The following UHRF1 variants were observed in gnomAD, a reference collection of about 807,000 sequenced individuals.
UHRF1 encodes E3 ubiquitin-protein ligase UHRF1.
Under a neutral mutation model 96.5 loss-of-function variants are expected in UHRF1, and 9 were observed. The observed-to-expected ratio is 0.09, with a 90% confidence interval of 0.06 to 0.16. UHRF1 has a LOEUF of 0.16. Ranked by LOEUF, UHRF1 falls within the 10% of genes least tolerant of loss-of-function variation. The pLI is 1.00. For synonymous variants in UHRF1, 455 were observed against 469.9 expected (o/e 0.97, Z 0.41); for missense variants, 626 against 1,131.1 (o/e 0.55, Z 6.40).
intron 13 of UHRF1, among the ~76,000 whole-genome samples, chr19:4,952,613 C>A (rs1459280945): frequency 6.6e-6 from 1 of 151,842 alleles, no homozygotes; most frequent in Non-Finnish European, 1.5e-5. Flanking sequence ...GGCTGGTGAC[C>A]TCAGGTGATC....
At chr19:4,934,243 A>C (rs17883458) in intron 5 of UHRF1, among the ~76,000 whole-genome samples, 1,907 of 152,130 alleles carry the variant, frequency 0.013, 42 homozygotes, top group African/African-American at 0.044. Context: ...CATGTTGGCC[A>C]GGCTGGTCTC....
Position 4,948,118 on chromosome 19 carries a change from A to AAAG in UHRF1, c.1517+909_1517+910insGAA, listed in dbSNP as rs1201391547. Among the ~76,000 whole-genome samples the AAAG allele has an allele frequency of 4.0e-4, 60 of 151,744 alleles. 1 individual carries two copies. The highest frequency in any genetic ancestry group is 3.4e-3 in the Admixed American group (51 of 15,192). Reference sequence around the variant, plus strand: ...GATCTTGTCAAAAAAAAAAAAAAAAAAACCCCTCCAAAATAGATTGCTTCA... The same window carrying AAAG: ...GATCTTGTCAAAAAAAAAAAAAAAAAAAGAACCCCTCCAAAATAGATTGCTTCA... On this transcript the variant is annotated intron_variant, in intron 11 of 16. Coordinates refer to ENST00000650932, the MANE Select transcript of UHRF1 (RefSeq NM_001048201.3).
In UHRF1 at chr19:4,947,490, CTTTTTTTTTTT is replaced by C. The variant is rs985069179; in HGVS notation, c.1517+298_1517+308del. Among the ~76,000 whole-genome samples, 58 of 57,888 alleles carry C rather than the reference CTTTTTTTTTTT, an allele frequency of 1.0e-3. 2 individuals carry two copies. In the South Asian group the frequency reaches 0.018, roughly 17 times the overall value. The allele number at this position is 57,888 out of a possible 152,430, so 38.0% of individuals were successfully genotyped here. On this transcript the variant is annotated intron_variant, in intron 11 of 16. Coordinates refer to ENST00000650932, the MANE Select transcript of UHRF1 (RefSeq NM_001048201.3). ...CTATAAAAGGCCAGATAATAGATAT[CTTTTTTTTTTT>C]TTTTTTTTTTTTTTTTTTGGGCAGA...
intron 1 of UHRF1, 121 bp downstream of exon 1, chr19:4,909,776 A>G: frequency 2.2e-6 from 1 of 461,988 alleles, no homozygotes; most frequent in Non-Finnish European, 3.8e-6. Context: ...CTGTCCCGGG[A>G]TCCAGGGCCT....
chr19:4,943,812 G>A (rs1383455078), intron 7 of UHRF1, among the ~76,000 whole-genome samples: 3 of 152,004 alleles, frequency 2.0e-5, no homozygotes, highest in Non-Finnish European at 2.9e-5. Flanking sequence ...CACCATGCCC[G>A]GCTAATTTTT....
Position 4,954,584 on chromosome 19 carries a change from C to T in UHRF1, c.1958-66C>T. On this transcript the variant is annotated intron_variant, in intron 14 of 16. Coordinates refer to ENST00000650932, the MANE Select transcript of UHRF1 (RefSeq NM_001048201.3). The surrounding 1 kb of genome is among the most constrained non-coding windows in gnomAD (Gnocchi z 5.9). ...GGTTGAGGTCGTGTGGACGTGGGAG[C>T]CGGTGGCTGTCTCTCCGGCAGCTCG... The T allele has an allele frequency of 6.3e-7, 1 of 1,590,540 alleles. No homozygotes were observed. The highest frequency in any genetic ancestry group is 8.6e-7 in the Non-Finnish European group (1 of 1,167,362).
chr19:4,939,360 T>C (rs566178310), intron 5 of UHRF1, among the ~76,000 whole-genome samples: 1 of 148,218 alleles, frequency 6.7e-6, no homozygotes, highest in South Asian at 2.2e-4. Context: ...CTATACCCAG[T>C]CTTAGAATAT....
chr19:4,923,305 G>A (rs893467954), intron 2 of UHRF1, among the ~76,000 whole-genome samples: 3 of 152,106 alleles, frequency 2.0e-5, no homozygotes, highest in Admixed American at 6.5e-5. Flanking sequence ...TCCTGCTGTC[G>A]AGGTCACTTG....
intron 16 of UHRF1, among the ~76,000 whole-genome samples, chr19:4,959,017 G>A (rs1194834836): frequency 6.7e-6 from 1 of 150,252 alleles, no homozygotes; most frequent in African/African-American, 2.5e-5. Context: ...TCACTCTGTC[G>A]CCCAGGCTGG....
At chr19:4,914,143 A>T (rs1308782560) in intron 2 of UHRF1, among the ~76,000 whole-genome samples, 1 of 152,002 alleles carries the variant, frequency 6.6e-6, no homozygotes, top group Non-Finnish European at 1.5e-5. Context: ...AGTAGCTTTT[A>T]AGAGATCGTG....
intron 2 of UHRF1, among the ~76,000 whole-genome samples, chr19:4,928,806 A>G (rs112899629): frequency 6.6e-6 from 1 of 152,302 alleles, no homozygotes; most frequent in African/African-American, 2.4e-5. Flanking sequence ...AATGTCCCAG[A>G]CGTGGCCCAG....
chr19:4,920,864 A>G (rs2032678960), intron 2 of UHRF1, among the ~76,000 whole-genome samples: 1 of 152,140 alleles, frequency 6.6e-6, no homozygotes, highest in South Asian at 2.1e-4. Flanking sequence ...GGTGGCTCAC[A>G]CCTGTAATCC....
chr19:4,955,907 CTA>C (rs2033845681), intron 15 of UHRF1, among the ~76,000 whole-genome samples: 1 of 152,084 alleles, frequency 6.6e-6, no homozygotes, highest in Non-Finnish European at 1.5e-5. Flanking sequence ...CAGGCCACGC[CTA>C]TGTTTTTAAT....
chr19:4,907,509 A>T (rs1365047839), upstream of UHRF1, among the ~76,000 whole-genome samples: 1 of 152,054 alleles, frequency 6.6e-6, no homozygotes, highest in Non-Finnish European at 1.5e-5. Context: ...ACCTCCAGTT[A>T]TCTGCCTGCC....
Position 4,917,719 on chromosome 19 carries a change from G to A in UHRF1, c.153+6681G>A, listed in dbSNP as rs530090239. ...GTCGTCCAGGCTGGAGTGCAGCGGCGTGATCATGGCTTACTGCAACCTCTG... is the reference window on the plus strand; with the variant it reads ...GTCGTCCAGGCTGGAGTGCAGCGGCATGATCATGGCTTACTGCAACCTCTG... On this transcript the variant is annotated intron_variant, in intron 2 of 16. Coordinates refer to ENST00000650932, the MANE Select transcript of UHRF1 (RefSeq NM_001048201.3). Among the ~76,000 whole-genome samples, 6 of 150,330 alleles carry A rather than the reference G, an allele frequency of 4.0e-5. 1 individual carries two copies. Among genetic ancestry groups the A allele is most frequent in the African/African-American group, 1.2e-4 (5 of 40,978 alleles).
chr19:4,922,143 C>T (rs2032721956), intron 2 of UHRF1, among the ~76,000 whole-genome samples: 1 of 152,120 alleles, frequency 6.6e-6, no homozygotes, highest in African/African-American at 2.4e-5. Flanking sequence ...GATGGAGTCT[C>T]ACCATGTTGG....
chr19:4,944,092 G>T, intron 7 of UHRF1, 40 bp from the exon 8 acceptor site: 1 of 1,609,538 alleles, frequency 6.2e-7, no homozygotes, highest in Non-Finnish European at 8.5e-7. Context: ...TGAGACATCT[G>T]CCAGGCTAGG....
At chr19:4,953,921 C>T (rs1317569402) in intron 13 of UHRF1, among the ~76,000 whole-genome samples, 1 of 151,974 alleles carries the variant, frequency 6.6e-6, no homozygotes, top group Non-Finnish European at 1.5e-5. Context: ...TGGCGGGCAC[C>T]TGTAATCCCA....
Position 4,930,894 on chromosome 19 carries a change from G to A in UHRF1, c.569+18G>A, listed in dbSNP as rs776207612. ...TACGACGAGTGAGTCATGGCAGGTG[G>A]GCGGGCCTGGGTATTCAGGCTCTGT... On this transcript the variant is annotated intron_variant, in intron 4 of 16. Transcript: ENST00000650932. The surrounding 1 kb of genome is among the most constrained non-coding windows in gnomAD (Gnocchi z 4.4). 6.2e-7 allele frequency: 1 copy of A among 1,613,222 alleles called. No homozygotes were observed. The highest frequency in any genetic ancestry group is 2.2e-5 in the East Asian group (1 of 44,870).
Sources: gnomAD v4.1 joint callset for allele counts (sites outside exome capture counted in the v4.1 genomes callset) on GRCh38, gnomAD v4.1.1 for gene constraint, Gnocchi (gnomAD v3.1) non-coding constraint, MANE v1.5 for transcripts, NCBI Gene and HGNC (gene_info 2026-07-23, HGNC 2026-07-21) for gene names.